The following LYRM4 variants were observed in gnomAD, a reference collection of about 807,000 sequenced individuals.
LYRM4 encodes LYR motif containing 4, also known as LYR motif-containing protein 4.
In LYRM4, 9 loss-of-function variants were observed where a neutral mutation model predicts 11.7. The ratio of observed to expected loss-of-function variants is 0.77; its 90% CI spans 0.46 to 1.34. The LOEUF is 1.34. Ranked by LOEUF, LYRM4 falls within the 40% of genes most tolerant of loss-of-function variation. The probability of loss-of-function intolerance (pLI) is 0.00; values close to 1 mark genes in which losing one functional copy is unlikely to be tolerated. For missense variants in LYRM4, 133 were observed against 112.5 expected, an observed-to-expected ratio of 1.18 and a Z score of -0.82; for synonymous variants, 42 against 40.4, an observed-to-expected ratio of 1.04 and a Z score of -0.15.
chr6:5,126,956 C>T (rs1763725516), intron 2 of LYRM4, among the ~76,000 whole-genome samples: 1 of 152,124 alleles, frequency 6.6e-6, no homozygotes, highest in Admixed American at 6.6e-5. Context: ...GAATAATATA[C>T]TTTATTTATT....
At chr6:5,095,987 C>CA in the LYRM4 span, among the ~76,000 whole-genome samples, 13 of 151,744 alleles carry the variant, frequency 8.6e-5, no homozygotes, top group Non-Finnish European at 1.9e-4. Flanking sequence ...CTCAAAAAAA[C>CA]AAAAAACAAA....
intron 1 of LYRM4, among the ~76,000 whole-genome samples, chr6:5,227,657 T>C (rs1384707050): frequency 6.6e-6 from 1 of 152,120 alleles, no homozygotes; most frequent in African/African-American, 2.4e-5. Context: ...GGATTATAAA[T>C]CATTCTACTA....
chr6:5,174,140 G>A (rs1393197833), intron 2 of LYRM4, among the ~76,000 whole-genome samples: 2 of 151,864 alleles, frequency 1.3e-5, no homozygotes, highest in African/African-American at 4.9e-5. Context: ...TTCCTTAGTA[G>A]ATTCTCTGGA....
At chr6:5,259,309 T>C (rs757961500) in intron 1 of LYRM4, among the ~76,000 whole-genome samples, 5 of 152,214 alleles carry the variant, frequency 3.3e-5, no homozygotes, top group Non-Finnish European at 7.3e-5. Context: ...CTTGGTTAAG[T>C]ACTTGGTGCT....
chr6:5,086,672 G>C, the LYRM4 span: 938 of 906,398 alleles, frequency 1.0e-3, 6 homozygotes, highest in African/African-American at 0.014. Flanking sequence ...CGAGTCTGGC[G>C]TGAGGGGCGC....
chr6:5,057,489 G>A, the LYRM4 span, among the ~76,000 whole-genome samples: 8 of 152,286 alleles, frequency 5.3e-5, no homozygotes, highest in African/African-American at 1.9e-4. Context: ...GGCCAAGGCA[G>A]GCAGATTACT....
chr6:5,245,499 A>G (rs551252175), intron 1 of LYRM4, among the ~76,000 whole-genome samples: 20 of 152,200 alleles, frequency 1.3e-4, no homozygotes, highest in Admixed American at 2.6e-4. Flanking sequence ...GGCAAGAGTG[A>G]TGGGGACATG....
At chr6:5,202,777 T>C (rs1029552226) in intron 2 of LYRM4, among the ~76,000 whole-genome samples, 1 of 152,348 alleles carries the variant, frequency 6.6e-6, no homozygotes, top group East Asian at 1.9e-4. Flanking sequence ...TAAAATTTTG[T>C]TGGCTTAGAC....
chr6:5,085,431 T>TA, the LYRM4 span: 1 of 1,330,244 alleles, frequency 7.5e-7, no homozygotes, highest in South Asian at 1.4e-5. Context: ...AGGAGTTAGT[T>TA]AAGTCTCCAG....
chr6:5,186,311 A>G (rs2127684843), intron 2 of LYRM4, among the ~76,000 whole-genome samples: 1 of 152,312 alleles, frequency 6.6e-6, no homozygotes, highest in East Asian at 1.9e-4. Context: ...TACTAGCATC[A>G]CAGAGGAAAA....
At chr6:5,140,440 C>T (rs751267234) in intron 2 of LYRM4, among the ~76,000 whole-genome samples, 1 of 152,214 alleles carries the variant, frequency 6.6e-6, no homozygotes, top group East Asian at 1.9e-4. Context: ...GAGGAAGGAA[C>T]ATTTAAACCT....
intron 2 of LYRM4, among the ~76,000 whole-genome samples, chr6:5,214,445 A>G (rs1762153694): frequency 6.6e-6 from 1 of 152,184 alleles, no homozygotes; most frequent in Non-Finnish European, 1.5e-5. Context: ...CACTGGCTTC[A>G]GGTTTTATGT....
At chr6:5,143,374 C>T (rs1210158773) in intron 2 of LYRM4, among the ~76,000 whole-genome samples, 1 of 152,220 alleles carries the variant, frequency 6.6e-6, no homozygotes, top group Non-Finnish European at 1.5e-5. Flanking sequence ...TGTGCTTATA[C>T]ATGGGCAAGT....
the LYRM4 span, among the ~76,000 whole-genome samples, chr6:5,098,324 C>T: frequency 6.6e-6 from 1 of 152,240 alleles, no homozygotes; most frequent in Non-Finnish European, 1.5e-5. Flanking sequence ...CGTGGCTCTG[C>T]TCTGCTCGGG....
intron 1 of LYRM4, among the ~76,000 whole-genome samples, chr6:5,255,631 T>C (rs1764630281): frequency 2.0e-5 from 3 of 152,228 alleles, no homozygotes. Flanking sequence ...TTTGTCTTCT[T>C]GGCTCTTCTT....
chr6:5,093,115 CT>C, the LYRM4 span, among the ~76,000 whole-genome samples: 1 of 152,214 alleles, frequency 6.6e-6, no homozygotes, highest in Non-Finnish European at 1.5e-5. Context: ...CCCGCAACCC[CT>C]CCCAAAAAAC....
intron 2 of LYRM4, chr6:5,113,527 C>A (rs1036439107): frequency 3.5e-5 from 10 of 283,256 alleles, no homozygotes; most frequent in Non-Finnish European, 7.1e-5. Context: ...TGAAGGGGGA[C>A]CCACCCTTGC....
intron 2 of LYRM4, among the ~76,000 whole-genome samples, chr6:5,210,710 T>G (rs1761947645): frequency 6.6e-6 from 1 of 152,200 alleles, no homozygotes. Context: ...ATCATTCTAC[T>G]TTCAATTTCT....
chr6:5,097,709 A>G, the LYRM4 span, among the ~76,000 whole-genome samples: 3 of 152,336 alleles, frequency 2.0e-5, no homozygotes, highest in African/African-American at 7.2e-5. Flanking sequence ...GCACGACCCA[A>G]TCACCTCTTA....
Sources: gnomAD v4.1 joint callset for allele counts (sites outside exome capture counted in the v4.1 genomes callset) on GRCh38, gnomAD v4.1.1 for gene constraint, MANE v1.5 for transcripts, NCBI Gene and HGNC (gene_info 2026-07-23, HGNC 2026-07-21) for gene names.